The following ASTN2 variants were observed in gnomAD, a reference collection of about 807,000 sequenced individuals.
ASTN2 encodes the protein astrotactin-2.
ASTN2 carries 54 observed loss-of-function variants against 139.8 expected under a neutral mutation model. The observed-to-expected ratio is 0.39, with a 90% CI of 0.31 to 0.48. The LOEUF is 0.48. Among genes scored for constraint, ASTN2 ranks in the 20% least tolerant of loss-of-function variants. The pLI is 0.95. For missense variants in ASTN2, 1,565 were observed against 1,725.1 expected (o/e 0.91, Z 1.64); for synonymous variants, 756 against 719.5 (o/e 1.05, Z -0.81).
intron 16 of ASTN2, among the ~76,000 whole-genome samples, chr9:116,661,166 AT>A (rs967177662): frequency 4.1e-4 from 62 of 152,120 alleles, no homozygotes; most frequent in African/African-American, 1.4e-3. Context: ...GAAGGGTAAC[AT>A]TTACTTCTTC....
chr9:117,120,200 T>A (rs898022968), intron 4 of ASTN2, among the ~76,000 whole-genome samples: 1 of 151,604 alleles, frequency 6.6e-6, no homozygotes, highest in Non-Finnish European at 1.5e-5. Context: ...TATCTCTTAG[T>A]GAATGACTGG....
intron 17 of ASTN2, among the ~76,000 whole-genome samples, chr9:116,650,976 C>T (rs896297181): frequency 6.6e-6 from 1 of 151,276 alleles, no homozygotes; most frequent in Non-Finnish European, 1.5e-5. Flanking sequence ...AGTACAATGG[C>T]ACGATCTCGG....
At chr9:116,951,563 G>A (rs1411256487) in intron 10 of ASTN2, among the ~76,000 whole-genome samples, 1 of 152,088 alleles carries the variant, frequency 6.6e-6, no homozygotes, top group Admixed American at 6.6e-5. Context: ...ATAAACTGAA[G>A]TGCATGAGAT....
chr9:116,441,107 T>C (rs571140664), intron 21 of ASTN2, among the ~76,000 whole-genome samples: 1 of 152,306 alleles, frequency 6.6e-6, no homozygotes, highest in Non-Finnish European at 1.5e-5. Flanking sequence ...ATATAATTAT[T>C]GTACCTGTGA....
intron 10 of ASTN2, among the ~76,000 whole-genome samples, chr9:116,871,258 A>AAAAT (rs1213591835): frequency 2.6e-5 from 4 of 152,160 alleles, no homozygotes; most frequent in Non-Finnish European, 2.9e-5. Context: ...ACTCCGTCTC[A>AAAAT]AAATAAATAA....
intron 19 of ASTN2, chr9:116,545,668 A>G (rs1032489883): frequency 6.6e-6 from 1 of 152,120 alleles, no homozygotes; most frequent in African/African-American, 2.4e-5. Flanking sequence ...TTTCATGACC[A>G]ATTTTTAGCA....
chr9:116,954,126 T>C lies in ASTN2; in HGVS notation c.1889+21082A>G, dbSNP rs115958848. Reference sequence around the variant, plus strand: ...TATTATGAGCTGGCATTCAGGTGTTTCATTTTATTTCATTTCTGAAAACAA... The same window carrying C: ...TATTATGAGCTGGCATTCAGGTGTTCCATTTTATTTCATTTCTGAAAACAA... On this transcript the variant is annotated intron_variant, in intron 10 of 22. Transcript: ENST00000313400. 5.4e-3 allele frequency among the ~76,000 whole-genome samples: 821 copies of C among 152,334 alleles called. 11 individuals carry two copies. Among genetic ancestry groups the C allele is most frequent in the African/African-American group, 0.019 (792 of 41,568 alleles).
At chr9:117,077,765 C>T (rs938759312) in intron 5 of ASTN2, among the ~76,000 whole-genome samples, 5 of 151,966 alleles carry the variant, frequency 3.3e-5, no homozygotes, top group Non-Finnish European at 7.4e-5. Context: ...ACAACAACAA[C>T]AAAACAAAAA....
rs551414273 is a variant in ASTN2, at chr9:117,016,424, C to T, written c.1424-8165G>A. Among the ~76,000 whole-genome samples the T allele has an allele frequency of 1.9e-3, 282 of 151,436 alleles. 1 individual carries two copies. The highest frequency in any genetic ancestry group is 6.6e-3 in the African/African-American group (272 of 41,264). ...TCTTCCACTGACAATCAAGAACCGT[C>T]CTGGTGGAGGGAAACTGTCACTGGG... On this transcript the variant is annotated intron_variant, in intron 6 of 22. Coordinates refer to ENST00000313400, the MANE Select transcript of ASTN2 (RefSeq NM_001365068.1).
intron 12 of ASTN2, among the ~76,000 whole-genome samples, chr9:116,819,602 G>A (rs1490044405): frequency 6.6e-6 from 1 of 152,158 alleles, no homozygotes; most frequent in Non-Finnish European, 1.5e-5. Flanking sequence ...CCCCCTATTT[G>A]TGAAACACAG....
intron 20 of ASTN2, among the ~76,000 whole-genome samples, chr9:116,470,172 C>G (rs1435309314): frequency 9.9e-5 from 15 of 151,886 alleles, no homozygotes; most frequent in Non-Finnish European, 2.2e-4. Flanking sequence ...CCACTGCACT[C>G]CAGCCTGGGT....
intron 6 of ASTN2, among the ~76,000 whole-genome samples, chr9:117,027,342 T>C (rs1838117074): frequency 6.6e-6 from 1 of 152,136 alleles, no homozygotes; most frequent in Admixed American, 6.5e-5. Context: ...CAACTGTGAC[T>C]CTTCCACTCC....
chr9:117,411,470 A>AG (rs1564190716), intron 1 of ASTN2, among the ~76,000 whole-genome samples: 1 of 147,226 alleles, frequency 6.8e-6, no homozygotes. Context: ...AAAAAAAAAA[A>AG]GACTTGCTTC....
intron 6 of ASTN2, among the ~76,000 whole-genome samples, chr9:117,019,044 T>C (rs945798405): frequency 6.6e-6 from 1 of 152,046 alleles, no homozygotes; most frequent in African/African-American, 2.4e-5. Flanking sequence ...GGAAAACCTA[T>C]CCACATCACT....
chr9:117,061,918 A>G (rs887070881), intron 5 of ASTN2, among the ~76,000 whole-genome samples: 2 of 152,212 alleles, frequency 1.3e-5, no homozygotes, highest in Non-Finnish European at 2.9e-5. Flanking sequence ...TAGTATAGTC[A>G]TTTGTTGCCC....
chr9:116,546,437 T>C (rs1244868929), intron 19 of ASTN2: 2 of 152,146 alleles, frequency 1.3e-5, no homozygotes, highest in Non-Finnish European at 2.9e-5. Context: ...AACTGATAAG[T>C]AGCAGAGCCT....
chr9:116,912,564 T>G (rs997778153), intron 10 of ASTN2, among the ~76,000 whole-genome samples: 1 of 152,228 alleles, frequency 6.6e-6, no homozygotes, highest in Non-Finnish European at 1.5e-5. Context: ...TTGAATTCCT[T>G]TAATAAAACA....
In ASTN2 at chr9:117,414,932, C is replaced by T. The variant is rs2130989386; in HGVS notation, c.7G>A (p.Ala3Thr). Residue 3 changes from alanine to threonine, a missense_variant, in exon 1 of 23, where the codon GCC (alanine) becomes ACC (threonine). Physicochemically the swap from Ala to Thr is moderately conservative, Grantham distance 58 (BLOSUM62 0). This residue lies in a region of ASTN2 where 596 missense variants were observed against 576.8 expected (regional missense o/e 1.03). Transcript: ENST00000313400. This position sits in a 1 kb window ranked among gnomAD's most constrained non-coding sequence, Gnocchi z 4.2. ...CCGGGGCTGAGCCGGGCGCCGGCGG[C>T]GGCCATGGCGGGAGGGGCTGCGGTG... MA[A>T]AGARLSPGPG... 1 of 395,118 alleles carries T rather than the reference C, an allele frequency of 2.5e-6. No homozygotes were observed. Among genetic ancestry groups the T allele is most frequent in the Non-Finnish European group, 3.7e-6 (1 of 272,526 alleles). 24.5% of individuals were successfully genotyped at this position (395,118 alleles called of 1,614,324 possible). A position where few individuals can be genotyped will look rare whatever the true frequency, so the allele number is the denominator to read the frequency against.
chr9:116,852,182 C>G (rs1832624594), intron 11 of ASTN2, among the ~76,000 whole-genome samples: 2 of 152,144 alleles, frequency 1.3e-5, no homozygotes, highest in South Asian at 4.1e-4. Flanking sequence ...ACAAGCTCCT[C>G]TCTACACAAT....
Sources: allele counts gnomAD v4.1 joint callset (sites outside exome capture counted in the v4.1 genomes callset), GRCh38; gene constraint gnomAD v4.1.1; regional missense constraint gnomAD v4.1.1; non-coding constraint Gnocchi (gnomAD v3.1); transcripts MANE v1.5; gene names NCBI Gene and HGNC (gene_info 2026-07-23, HGNC 2026-07-21).